SLC30A4: variants seen among roughly 807,000 people sequenced by gnomAD.
The protein encoded by SLC30A4 is solute carrier family 30 member 4, also known as probable proton-coupled zinc antiporter SLC30A4.
In SLC30A4, 20 loss-of-function variants were observed where a neutral mutation model predicts 41.7. The ratio of observed to expected loss-of-function variants is 0.48; its 90% CI spans 0.34 to 0.70. SLC30A4 has a LOEUF of 0.70. Among genes scored for constraint, SLC30A4 ranks in the 30% least tolerant of loss-of-function variants. The pLI is 0.01. For synonymous variants in SLC30A4, 181 were observed against 195.9 expected (o/e 0.92, Z 0.64); for missense variants, 441 against 529.3 (o/e 0.83, Z 1.64).
intron 3 of SLC30A4, among the ~76,000 whole-genome samples, chr15:45,498,952 G>A (rs909451878): frequency 2.6e-5 from 4 of 152,098 alleles, no homozygotes; most frequent in Admixed American, 2.6e-4. Context: ...AATTAGCATT[G>A]TAACCAGGTA....
At chr15:45,489,704 G>A (rs1891774919) in intron 4 of SLC30A4, among the ~76,000 whole-genome samples, 2 of 151,566 alleles carry the variant, frequency 1.3e-5, no homozygotes, top group South Asian at 2.1e-4. Context: ...CACCAACATG[G>A]CACATGTATA....
rs749321092 is a variant in SLC30A4, at chr15:45,522,155, G to A, written c.200C>T (p.Pro67Leu). ...APERPVNGAH[P>L]TLQADDDSLL... is the part of the protein sequence containing the mutation. ...GGAATCATCGTCGGCCTGGAGGGTCGGGTGCGCCCCGTTAACAGGCCTTTC... is the reference window on the plus strand; with the variant it reads ...GGAATCATCGTCGGCCTGGAGGGTCAGGTGCGCCCCGTTAACAGGCCTTTC... The change falls in exon 2 of 8, where the codon CCG (proline) becomes CTG (leucine). Residue 67 changes from proline to leucine, a missense_variant. Transcript: ENST00000261867. 5.0e-6 allele frequency: 8 copies of A among 1,614,224 alleles called. No homozygotes were observed. The Admixed American group carries it at 1.3e-4, about 27-fold the overall frequency.
In SLC30A4 at chr15:45,509,949, A is replaced by G. The variant is rs117886039; in HGVS notation, c.538+1189T>C. On this transcript the variant is annotated intron_variant, in intron 3 of 7. Coordinates refer to ENST00000261867, the MANE Select transcript of SLC30A4 (RefSeq NM_013309.6). ...TAGCTGAGCATGCTAGTGCACGCCT[A>G]TAGTCCCAGCTACTCGGGAGGCTGA... is the stretch of plus-strand genomic sequence containing the variant. 7.0e-3 allele frequency among the ~76,000 whole-genome samples: 1,068 copies of G among 152,232 alleles called. 58 individuals carry two copies. In the East Asian group the frequency reaches 0.12, roughly 17 times the overall value.
In SLC30A4 at chr15:45,480,337, A is replaced by G. The variant is rs904763096; in HGVS notation, c.*4826T>C. On this transcript the variant is annotated 3_prime_UTR_variant, in exon 8 of 8. Coordinates refer to ENST00000261867, the MANE Select transcript of SLC30A4 (RefSeq NM_013309.6). Reference sequence around the variant, plus strand: ...TTCTAATTTGCATGCTCCCACGAACATCACAAATAATATACCTGATTGGCA... The same window carrying G: ...TTCTAATTTGCATGCTCCCACGAACGTCACAAATAATATACCTGATTGGCA... 1.3e-5 allele frequency: 2 copies of G among 152,228 alleles called. No individual in the cohort carries two copies. Among genetic ancestry groups the G allele is most frequent in the Admixed American group, 6.5e-5 (1 of 15,278 alleles). 9.4% of individuals were successfully genotyped at this position (152,228 alleles called of 1,614,324 possible).
Position 45,522,291 on chromosome 15 carries a change from A to G in SLC30A4, c.64T>C (p.Phe22Leu), listed in dbSNP as rs762195900. 5.7e-5 allele frequency: 92 copies of G among 1,613,990 alleles called. No homozygotes were observed. Among genetic ancestry groups the G allele is most frequent in the Non-Finnish European group, 7.5e-5 (89 of 1,180,024 alleles). ...SMLRKDDAPLFLNDTSAFDFS... is the reference protein window; with the variant it reads ...SMLRKDDAPLLLNDTSAFDFS... ...TCAAAGGCGCTGGTGTCATTTAAAA[A>G]CAGCGGCGCATCATCCTTCCTTAGC... The change falls in exon 2 of 8, where the codon TTT becomes CTT. Residue 22 changes from phenylalanine to leucine, a missense_variant. Transcript: ENST00000261867.
In SLC30A4 at chr15:45,511,120, G is replaced by C; in HGVS notation, c.538+18C>G. On this transcript the variant is annotated intron_variant, in intron 3 of 7. Transcript: ENST00000261867. Reference sequence around the variant, plus strand: ...TACTATAAAATATTATAAAGCAAAAGAAACACCAACTACCTACCTAAGCGA... The same window carrying C: ...TACTATAAAATATTATAAAGCAAAACAAACACCAACTACCTACCTAAGCGA... 3 of 1,601,754 alleles carry C rather than the reference G, an allele frequency of 1.9e-6. No individual in the cohort carries two copies. Among genetic ancestry groups the C allele is most frequent in the Non-Finnish European group, 2.6e-6 (3 of 1,172,134 alleles).
At chr15:45,498,773 AATAATTAATAGGC>A (rs1390830179) in intron 3 of SLC30A4, among the ~76,000 whole-genome samples, 3 of 152,170 alleles carry the variant, frequency 2.0e-5, no homozygotes, top group African/African-American at 7.2e-5. Context: ...CTAAGATGTG[AATAATTAATAGGC>A]ATAACTTTTG....
At position 45,490,793 on chromosome 15, in the gene SLC30A4, C is replaced by T. The variant is rs760020052; in HGVS notation, c.627G>A (p.Met209Ile). The T allele has an allele frequency of 1.6e-5, 26 of 1,611,002 alleles. No homozygotes were observed. Among genetic ancestry groups the T allele is most frequent in the Non-Finnish European group, 2.1e-5 (25 of 1,177,698 alleles). ...LYEAVQRTIH[M>I]NYEINGDIML... ...TTATATCTCCATTTATTTCATAGTT[C>T]ATATGGATAGTTCTTTGCACAGCTT... Residue 209 changes from methionine (M) to isoleucine (I), a missense_variant, in exon 4 of 8, where the codon ATG (methionine) becomes ATA (isoleucine). Met to Ile is a conservative substitution (Grantham distance 10). This residue lies in a region of SLC30A4 where 312 missense variants were observed against 341.9 expected (regional missense o/e 0.91). Coordinates refer to ENST00000261867, the MANE Select transcript of SLC30A4 (RefSeq NM_013309.6).
rs1196877616 is a variant in SLC30A4 at position 45,490,452 on chromosome 15, GA to G, written c.692+275del. ...TAAGGGAAAAAAATTGATAGCTTAA[GA>G]AAAAAAATCTAGTTAACACAAAAGT... On this transcript the variant is annotated intron_variant, in intron 4 of 7. Coordinates refer to ENST00000261867, the MANE Select transcript of SLC30A4 (RefSeq NM_013309.6). Among the ~76,000 whole-genome samples the G allele has an allele frequency of 3.3e-5, 5 of 151,780 alleles. No individual in the cohort carries two copies. In the East Asian group the frequency reaches 9.8e-4, roughly 30 times the overall value.
chr15:45,501,247 G>A lies in SLC30A4; in HGVS notation c.538+9891C>T, dbSNP rs1892027513. ...GGCGTGAACCTGGGAGGCGGAGCTT[G>A]CAGGGAGCCAAGATCGTGCCACTGC... On this transcript the variant is annotated intron_variant, in intron 3 of 7. Coordinates refer to ENST00000261867, the MANE Select transcript of SLC30A4 (RefSeq NM_013309.6). Among the ~76,000 whole-genome samples the A allele has an allele frequency of 2.0e-5, 3 of 151,902 alleles. No homozygotes were observed. The South Asian group carries it at 6.2e-4, about 32-fold the overall frequency.
In SLC30A4 at chr15:45,517,815, G is replaced by C. The variant is rs554038493; in HGVS notation, c.391+4149C>G. Among the ~76,000 whole-genome samples, 21 of 152,142 alleles carry C rather than the reference G, an allele frequency of 1.4e-4. No individual in the cohort carries two copies. In the East Asian group the frequency reaches 3.9e-3, roughly 28 times the overall value. ...TACAAAATATTAGCTAGGCGCGGTG[G>C]GGGGCGCCTGTAGTCCCAGCTACTC... On this transcript the variant is annotated intron_variant, in intron 2 of 7. Transcript: ENST00000261867.
chr15:45,501,652 C>T (rs1653535894), intron 3 of SLC30A4, among the ~76,000 whole-genome samples: 1 of 152,094 alleles, frequency 6.6e-6, no homozygotes, highest in African/African-American at 2.4e-5. Context: ...AGGTGCATGC[C>T]ACCATGGCTG....
intron 2 of SLC30A4, among the ~76,000 whole-genome samples, chr15:45,518,200 C>T (rs115716335): frequency 6.6e-6 from 1 of 152,154 alleles, no homozygotes; most frequent in African/African-American, 2.4e-5. Flanking sequence ...GTTTGGGTAA[C>T]TCCTACTATT....
In SLC30A4 at chr15:45,498,458, A is replaced by G. The variant is rs139491820; in HGVS notation, c.539-7577T>C. 1.5e-3 allele frequency among the ~76,000 whole-genome samples: 225 copies of G among 152,280 alleles called. 1 individual carries two copies. Among genetic ancestry groups the G allele is most frequent in the African/African-American group, 5.1e-3 (212 of 41,576 alleles). The stretch of plus-strand genomic sequence containing the variant: ...TTAAGGATGCTCAACCTGTATTTGT[A>G]TTTCAACTCAGGCTAAAGACATCAT... On this transcript the variant is annotated intron_variant, in intron 3 of 7. Coordinates refer to ENST00000261867, the MANE Select transcript of SLC30A4 (RefSeq NM_013309.6).
intron 2 of SLC30A4, chr15:45,513,625 T>C (rs1489189139): frequency 2.0e-5 from 3 of 152,030 alleles, no homozygotes; most frequent in East Asian, 1.9e-4. Flanking sequence ...TCAAGAAAAA[T>C]AGCTGAATAT....
intron 2 of SLC30A4, among the ~76,000 whole-genome samples, chr15:45,518,943 A>T (rs1464219507): frequency 6.6e-6 from 1 of 151,574 alleles, no homozygotes; most frequent in Non-Finnish European, 1.5e-5. Context: ...TTAAAAATAT[A>T]TTTTATTTAA....
intron 3 of SLC30A4, among the ~76,000 whole-genome samples, chr15:45,505,812 C>A (rs1215323910): frequency 6.6e-6 from 1 of 152,120 alleles, no homozygotes; most frequent in Non-Finnish European, 1.5e-5. Flanking sequence ...TTAAAAGGGT[C>A]TACTCTTATG....
At chr15:45,485,435 C>A in intron 7 of SLC30A4, 118 bp from the exon 8 acceptor site, 3 of 666,868 alleles carry the variant, frequency 4.5e-6, no homozygotes, top group Non-Finnish European at 7.3e-6. Context: ...TGATTTCTAC[C>A]CTCTCTAAGC....
In SLC30A4 at chr15:45,490,971, C is replaced by A. The variant is rs1398696858; in HGVS notation, c.539-90G>T. The A allele has an allele frequency of 1.0e-4, 89 of 878,726 alleles. No homozygotes were observed. The East Asian group carries it at 2.2e-3, about 22-fold the overall frequency. 54.4% of individuals were successfully genotyped at this position (878,726 alleles called of 1,614,324 possible). On this transcript the variant is annotated intron_variant, in intron 3 of 7. Coordinates refer to ENST00000261867, the MANE Select transcript of SLC30A4 (RefSeq NM_013309.6). ...AATATTATATAGTCTTTTTTATATT[C>A]TTTCCTCTAAGGAGATAAAAGCCCT...
Sources: gnomAD v4.1 joint callset for allele counts (sites outside exome capture counted in the v4.1 genomes callset) on GRCh38, gnomAD v4.1.1 for gene constraint, gnomAD v4.1.1 regional missense constraint, MANE v1.5 for transcripts, NCBI Gene and HGNC (gene_info 2026-07-23, HGNC 2026-07-21) for gene names.